The following CACNB2 variants were observed in gnomAD, a reference collection of about 807,000 sequenced individuals.
CACNB2 encodes the protein calcium voltage-gated channel auxiliary subunit beta 2.
A neutral mutation model predicts 73.3 loss-of-function variants in CACNB2; 42 were observed. The ratio of observed to expected loss-of-function variants is 0.57; its 90% CI spans 0.45 to 0.74. The LOEUF (loss-of-function observed/expected upper bound fraction) is 0.74, where lower values mean the gene tolerates loss of function less well. Ranked by LOEUF, CACNB2 falls within the 30% of genes least tolerant of loss-of-function variation. The probability of loss-of-function intolerance (pLI) is 0.00; values close to 1 mark genes in which losing one functional copy is unlikely to be tolerated. For synonymous variants in CACNB2, 348 were observed against 310.3 expected, an observed-to-expected ratio of 1.12 and a Z score of -1.28; for missense variants, 940 against 853.0, an observed-to-expected ratio of 1.10 and a Z score of -1.27.
chr10:18,392,342 G>C (rs1039847994), intron 2 of CACNB2, among the ~76,000 whole-genome samples: 1 of 152,168 alleles, frequency 6.6e-6, no homozygotes, highest in African/African-American at 2.4e-5. Context: ...GACAGGGGAT[G>C]ATCAGTGATG....
In CACNB2 at chr10:18,144,377, G is replaced by A. The variant is rs553887273; in HGVS notation, c.120+3521G>A. On this transcript the variant is annotated intron_variant, in intron 1 of 13. Coordinates refer to ENST00000324631, the MANE Select transcript of CACNB2 (RefSeq NM_201596.3). ...TTACAGGCGTGCGCCACCATGCCCA[G>A]CCCAAAATGGATACGTTTCTTACAT... is the stretch of plus-strand genomic sequence containing the variant. Among the ~76,000 whole-genome samples, 62 of 152,340 alleles carry A rather than the reference G, an allele frequency of 4.1e-4. No homozygotes were observed. The South Asian group carries it at 0.012, about 30-fold the overall frequency.
At chr10:18,240,099 T>C (rs1270613290) in intron 2 of CACNB2, among the ~76,000 whole-genome samples, 3 of 152,190 alleles carry the variant, frequency 2.0e-5, no homozygotes, top group African/African-American at 2.4e-5. Flanking sequence ...TGTAAAAATA[T>C]TGAATAACTG....
intron 3 of CACNB2, among the ~76,000 whole-genome samples, chr10:18,416,638 C>T (rs1371502224): frequency 6.6e-6 from 1 of 152,164 alleles, no homozygotes; most frequent in Non-Finnish European, 1.5e-5. Flanking sequence ...TCTTGAACCC[C>T]TGACCTCAGG....
At chr10:18,433,625 A>G (rs1336830277) in intron 3 of CACNB2, among the ~76,000 whole-genome samples, 1 of 152,128 alleles carries the variant, frequency 6.6e-6, no homozygotes, top group Non-Finnish European at 1.5e-5. Context: ...ACTAGATGTA[A>G]TGAAATGATG....
intron 2 of CACNB2, among the ~76,000 whole-genome samples, chr10:18,251,544 G>A (rs1341308619): frequency 2.6e-5 from 4 of 152,120 alleles, no homozygotes; most frequent in African/African-American, 4.8e-5. Context: ...CACCATGCCC[G>A]GCCTCAACTC....
intron 2 of CACNB2, among the ~76,000 whole-genome samples, chr10:18,200,850 T>C (rs2034846837): frequency 6.6e-6 from 1 of 152,178 alleles, no homozygotes; most frequent in South Asian, 2.1e-4. Context: ...GAAGTTGTTT[T>C]CTAATGCCCA....
chr10:18,363,054 A>ACCT (rs1423523736), intron 2 of CACNB2, among the ~76,000 whole-genome samples: 1 of 152,126 alleles, frequency 6.6e-6, no homozygotes, highest in Non-Finnish European at 1.5e-5. Context: ...CAGTTTATCC[A>ACCT]CCTGTCTCTC....
chr10:18,149,685 C>A (rs561032113), intron 1 of CACNB2, among the ~76,000 whole-genome samples: 2 of 152,152 alleles, frequency 1.3e-5, no homozygotes, highest in African/African-American at 4.8e-5. Context: ...ATTTTGAGAA[C>A]CTGAATGTGA....
intron 2 of CACNB2, among the ~76,000 whole-genome samples, chr10:18,225,347 G>T (rs543002258): frequency 6.6e-6 from 1 of 151,928 alleles, no homozygotes; most frequent in Non-Finnish European, 1.5e-5. Context: ...CAAACTTTTC[G>T]TAGGTCACCT....
At chr10:18,416,480 G>T (rs573353625) in intron 3 of CACNB2, among the ~76,000 whole-genome samples, 1 of 152,084 alleles carries the variant, frequency 6.6e-6, no homozygotes, top group Admixed American at 6.5e-5. Context: ...GCATTGGCAC[G>T]ATCTCAGCTC....
At chr10:18,376,374 TGGGGGACAA>T (rs2042799176) in intron 2 of CACNB2, among the ~76,000 whole-genome samples, 1 of 151,940 alleles carries the variant, frequency 6.6e-6, no homozygotes, top group South Asian at 2.1e-4. Flanking sequence ...GGGCAGGCAT[TGGGGGACAA>T]GGGGATGGTT....
intron 2 of CACNB2, among the ~76,000 whole-genome samples, chr10:18,398,692 TACACACAC>T (rs200052800): frequency 1.8e-5 from 1 of 57,068 alleles, no homozygotes; most frequent in African/African-American, 7.1e-5. Flanking sequence ...CACACACACA[TACACACAC>T]ACACACACAC....
At chr10:18,404,333 T>A (rs2044168586) in intron 3 of CACNB2, among the ~76,000 whole-genome samples, 2 of 152,162 alleles carry the variant, frequency 1.3e-5, no homozygotes, top group South Asian at 4.1e-4. Flanking sequence ...GAAGAAATAA[T>A]GCAAAATAGG....
At chr10:18,373,358 A>C (rs2042666164) in intron 2 of CACNB2, among the ~76,000 whole-genome samples, 1 of 152,206 alleles carries the variant, frequency 6.6e-6, no homozygotes, top group African/African-American at 2.4e-5. Flanking sequence ...TCTCCCAAAC[A>C]AGGTAGGACA....
intron 3 of CACNB2, among the ~76,000 whole-genome samples, chr10:18,429,928 G>A (rs1443813263): frequency 1.3e-5 from 2 of 151,948 alleles, no homozygotes; most frequent in Non-Finnish European, 2.9e-5. Flanking sequence ...GCAATGAGCT[G>A]TGATCGCGCC....
At chr10:18,418,739 T>C (rs2045147585) in intron 3 of CACNB2, among the ~76,000 whole-genome samples, 1 of 152,200 alleles carries the variant, frequency 6.6e-6, no homozygotes, top group Non-Finnish European at 1.5e-5. Flanking sequence ...TATAAATGTG[T>C]TCTGACCACA....
At chr10:18,220,202 T>C (rs1191263048) in intron 2 of CACNB2, among the ~76,000 whole-genome samples, 4,685 of 18,300 alleles carry the variant, frequency 0.26, 880 homozygotes, top group East Asian at 0.52. Context: ...TATGTGTGTG[T>C]ATATATATAT....
At chr10:18,212,656 A>G (rs557137438) in intron 2 of CACNB2, among the ~76,000 whole-genome samples, 1 of 152,164 alleles carries the variant, frequency 6.6e-6, no homozygotes, top group South Asian at 2.1e-4. Flanking sequence ...TAAGTTTTCT[A>G]TTTGGATAAG....
chr10:18,391,481 G>A (rs911072557), intron 2 of CACNB2, among the ~76,000 whole-genome samples: 2 of 152,124 alleles, frequency 1.3e-5, no homozygotes, highest in Non-Finnish European at 2.9e-5. Flanking sequence ...AATGTTTGTT[G>A]AGCATGCATT....
Sources: gnomAD v4.1 joint callset for allele counts (sites outside exome capture counted in the v4.1 genomes callset) on GRCh38, gnomAD v4.1.1 for gene constraint, MANE v1.5 for transcripts, NCBI Gene and HGNC (gene_info 2026-07-23, HGNC 2026-07-21) for gene names.